Variants in MAP2K4 observed in about 807,000 individuals in gnomAD.
MAP2K4 encodes mitogen-activated protein kinase kinase 4.
A neutral mutation model predicts 48.5 loss-of-function variants in MAP2K4; 4 were observed. The observed-to-expected ratio is 0.08, with a 90% confidence interval of 0.04 to 0.19. MAP2K4 has a LOEUF of 0.19. Among genes scored for constraint, MAP2K4 ranks in the 10% least tolerant of loss-of-function variants. The pLI is 1.00. For synonymous variants in MAP2K4, 166 were observed against 173.1 expected (o/e 0.96, Z 0.32); for missense variants, 258 against 493.3 (o/e 0.52, Z 4.52).
At chr17:12,075,848 G>T (rs991895502) in intron 2 of MAP2K4, among the ~76,000 whole-genome samples, 1 of 152,148 alleles carries the variant, frequency 6.6e-6, no homozygotes, top group Non-Finnish European at 1.5e-5. Flanking sequence ...TAAGCAGTAG[G>T]TATAATATGC....
At chr17:12,069,215 T>C (rs999335884) in intron 2 of MAP2K4, among the ~76,000 whole-genome samples, 2 of 152,190 alleles carry the variant, frequency 1.3e-5, no homozygotes, top group Non-Finnish European at 2.9e-5. Context: ...TCTTAATTTC[T>C]TACTTACTTG....
In MAP2K4 at chr17:12,088,552, TATATA is replaced by T. The variant is rs1184574417; in HGVS notation, c.394-7017_394-7013del. 5.0e-4 allele frequency among the ~76,000 whole-genome samples: 21 copies of T among 42,404 alleles called. No homozygotes were observed. The Admixed American group carries it at 7.0e-3, about 14-fold the overall frequency. The allele number at this position is 42,404 out of a possible 152,430, so 27.8% of individuals were successfully genotyped here. A position where few individuals can be genotyped will look rare whatever the true frequency, so the allele number is the denominator to read the frequency against. ...ATAATATATATTAAATTATATCTAATATATAATATATATTAAATATATAATATATA... is the reference window on the plus strand; with the variant it reads ...ATAATATATATTAAATTATATCTAATATATATATTAAATATATAATATATA... On this transcript the variant is annotated intron_variant, in intron 3 of 10. Coordinates refer to ENST00000353533, the MANE Select transcript of MAP2K4 (RefSeq NM_003010.4).
intron 9 of MAP2K4, among the ~76,000 whole-genome samples, chr17:12,134,374 T>C (rs964866075): frequency 6.6e-6 from 1 of 152,188 alleles, no homozygotes; most frequent in African/African-American, 2.4e-5. Flanking sequence ...GAGGGAATAA[T>C]TTGAATTCCA....
chr17:12,095,199 G>C (rs1971694009), intron 3 of MAP2K4, among the ~76,000 whole-genome samples: 1 of 152,182 alleles, frequency 6.6e-6, no homozygotes. Context: ...GTGATTAAAA[G>C]TATGTATACA....
chr17:12,097,641 T>C (rs1477656215), intron 4 of MAP2K4, among the ~76,000 whole-genome samples: 1 of 152,244 alleles, frequency 6.6e-6, no homozygotes, highest in Admixed American at 6.5e-5. Flanking sequence ...TTGAATGCTT[T>C]GTTGTTTTCA....
chr17:12,030,270 G>T (rs1039297472), intron 1 of MAP2K4, among the ~76,000 whole-genome samples: 1 of 152,212 alleles, frequency 6.6e-6, no homozygotes, highest in Non-Finnish European at 1.5e-5. Flanking sequence ...AGGTGAGCCA[G>T]TGTGTTCCAG....
chr17:12,119,716 A>G (rs1245200160), intron 7 of MAP2K4, among the ~76,000 whole-genome samples: 1 of 152,236 alleles, frequency 6.6e-6, no homozygotes, highest in Non-Finnish European at 1.5e-5. Context: ...AGCACTATTC[A>G]CAATAGCAAA....
intron 4 of MAP2K4, among the ~76,000 whole-genome samples, chr17:12,098,128 T>C (rs1567658952): frequency 6.6e-6 from 1 of 152,196 alleles, no homozygotes; most frequent in Non-Finnish European, 1.5e-5. Context: ...GTTACTTTTA[T>C]TAGTCACCTT....
chr17:12,120,003 A>G (rs1041638729), intron 7 of MAP2K4, among the ~76,000 whole-genome samples: 9 of 152,208 alleles, frequency 5.9e-5, no homozygotes, highest in African/African-American at 2.2e-4. Flanking sequence ...ACTGGGGCCT[A>G]CTTGAGTGTG....
chr17:12,077,382 T>A (rs888712740), intron 2 of MAP2K4, among the ~76,000 whole-genome samples: 6 of 152,216 alleles, frequency 3.9e-5, no homozygotes, highest in Non-Finnish European at 7.3e-5. Flanking sequence ...GGGGCTGTAT[T>A]AATTAAAATT....
At chr17:12,128,655 T>G (rs1972933632) in intron 8 of MAP2K4, among the ~76,000 whole-genome samples, 1 of 152,176 alleles carries the variant, frequency 6.6e-6, no homozygotes, top group African/African-American at 2.4e-5. Context: ...TAGAGCAGGA[T>G]TTGCACATTG....
intron 7 of MAP2K4, among the ~76,000 whole-genome samples, chr17:12,114,799 A>G (rs1972432164): frequency 6.6e-6 from 1 of 152,206 alleles, no homozygotes; most frequent in African/African-American, 2.4e-5. Context: ...GCTTTCTAAG[A>G]AAGACTCAGA....
At chr17:12,140,160 C>T (rs1973330565) in intron 10 of MAP2K4, among the ~76,000 whole-genome samples, 1 of 152,114 alleles carries the variant, frequency 6.6e-6, no homozygotes, top group Non-Finnish European at 1.5e-5. Context: ...AAGCCATTTT[C>T]CACTGCATAG....
At position 12,141,247 on chromosome 17, in the gene MAP2K4, T is replaced by C; in HGVS notation, c.1187T>C (p.Met396Thr). Residue 396 changes from methionine to threonine, a missense_variant, in exon 11 of 11, where the codon ATG becomes ACG. Met to Thr is a moderately conservative substitution (Grantham distance 81). Coordinates refer to ENST00000353533, the MANE Select transcript of MAP2K4 (RefSeq NM_003010.4). ...DQMPATPSSP[M>T]YVD ...ATGCCAGCTACTCCCAGCTCTCCCA[T>C]GTATGTCGATTGATATCGCTGCTAC... The C allele has an allele frequency of 6.2e-7, 1 of 1,612,162 alleles. No individual in the cohort carries two copies. Among genetic ancestry groups the C allele is most frequent in the Non-Finnish European group, 8.5e-7 (1 of 1,178,214 alleles).
chr17:12,040,043 G>A (rs1008143144), intron 1 of MAP2K4, among the ~76,000 whole-genome samples: 1 of 152,148 alleles, frequency 6.6e-6, no homozygotes, highest in South Asian at 2.1e-4. Context: ...GTGTGTTGTT[G>A]TATCACATCA....
chr17:12,063,774 A>G (rs540279058), intron 2 of MAP2K4, among the ~76,000 whole-genome samples: 24 of 152,104 alleles, frequency 1.6e-4, no homozygotes, highest in African/African-American at 5.8e-4. Context: ...GGAGTTCAAG[A>G]CCAGCCTGAC....
chr17:12,070,952 CAGGGCCATGCTTCTCCCG>C (rs1970783270), intron 2 of MAP2K4, among the ~76,000 whole-genome samples: 5 of 152,202 alleles, frequency 3.3e-5, no homozygotes, highest in Admixed American at 6.5e-5. Context: ...AAGGTGTTGG[CAGGGCCATGCTTCTCCCG>C]AAGGTTCTGG....
intron 3 of MAP2K4, among the ~76,000 whole-genome samples, chr17:12,088,986 ACTG>A (rs1971473917): frequency 6.8e-6 from 1 of 146,444 alleles, no homozygotes; most frequent in Non-Finnish European, 1.5e-5. Flanking sequence ...ATCTTGGCTC[ACTG>A]CAAGCTCCGC....
At chr17:12,067,596 G>T (rs1169055324) in intron 2 of MAP2K4, among the ~76,000 whole-genome samples, 1 of 152,176 alleles carries the variant, frequency 6.6e-6, no homozygotes, top group African/African-American at 2.4e-5. Context: ...GATATAAGAG[G>T]TGTATTCCTT....
Sources: gnomAD v4.1 joint callset for allele counts (sites outside exome capture counted in the v4.1 genomes callset) on GRCh38, gnomAD v4.1.1 for gene constraint, MANE v1.5 for transcripts, NCBI Gene and HGNC (gene_info 2026-07-23, HGNC 2026-07-21) for gene names.